Variants in LDB2 observed in about 807,000 individuals in gnomAD.
LDB2 encodes the protein LIM domain binding 2.
Under a neutral mutation model 44.3 loss-of-function variants are expected in LDB2, and 12 were observed. The ratio of observed to expected loss-of-function variants is 0.27; its 90% CI spans 0.17 to 0.44. The LOEUF is 0.44. LDB2 is among the 20% of genes least tolerant of loss of function. LDB2 has a pLI of 1.00. For missense variants in LDB2, 344 were observed against 473.5 expected (o/e 0.73, Z 2.54); for synonymous variants, 164 against 174.8 (o/e 0.94, Z 0.49).
intron 2 of LDB2, among the ~76,000 whole-genome samples, chr4:16,753,725 A>G (rs1338038108): frequency 6.6e-6 from 1 of 152,196 alleles, no homozygotes; most frequent in Non-Finnish European, 1.5e-5. Flanking sequence ...CTCGTTCCAG[A>G]CAGGGTACTA....
At position 16,809,729 on chromosome 4, in the gene LDB2, A is replaced by AAAC. The variant is rs1779440235; in HGVS notation, c.133-50470_133-50469insGTT. On this transcript the variant is annotated intron_variant, in intron 1 of 7. Transcript: ENST00000304523. ...TCTGCTGGCCTGTACAAAACAAAAC[A>AAAC]AAACAAACAAACAAAAAAAAAACGG... Among the ~76,000 whole-genome samples, 6 of 148,370 alleles carry AAAC rather than the reference A, an allele frequency of 4.0e-5. No individual in the cohort carries two copies. In the South Asian group the frequency reaches 1.3e-3, roughly 32 times the overall value.
intron 1 of LDB2, among the ~76,000 whole-genome samples, chr4:16,813,530 C>A (rs1359414262): frequency 6.6e-6 from 1 of 152,190 alleles, no homozygotes; most frequent in African/African-American, 2.4e-5. Flanking sequence ...CTCTCAATTC[C>A]ATTCATCAAA....
chr4:16,836,832 G>A (rs1784958040), intron 1 of LDB2, among the ~76,000 whole-genome samples: 1 of 152,156 alleles, frequency 6.6e-6, no homozygotes, highest in South Asian at 2.1e-4. Flanking sequence ...CACTAAAAGT[G>A]GCATTGCCAG....
chr4:16,569,671 C>T (rs1441405801), intron 5 of LDB2, among the ~76,000 whole-genome samples: 1 of 152,164 alleles, frequency 6.6e-6, no homozygotes, highest in Non-Finnish European at 1.5e-5. Context: ...TCCATCCATC[C>T]ATCCATCCGT....
At chr4:16,586,263 G>A (rs902613265) in intron 4 of LDB2, among the ~76,000 whole-genome samples, 8 of 152,244 alleles carry the variant, frequency 5.3e-5, no homozygotes, top group African/African-American at 1.9e-4. Flanking sequence ...GAGAAATGAT[G>A]TTACTTCCTC....
chr4:16,864,699 T>G (rs952298706), intron 1 of LDB2, among the ~76,000 whole-genome samples: 2 of 151,858 alleles, frequency 1.3e-5, no homozygotes, highest in African/African-American at 4.8e-5. Flanking sequence ...CCGAGGTGGA[T>G]GGATCACCTG....
At chr4:16,754,626 G>A (rs1014526146) in intron 2 of LDB2, among the ~76,000 whole-genome samples, 4 of 151,744 alleles carry the variant, frequency 2.6e-5, no homozygotes, top group Admixed American at 2.6e-4. Context: ...CCGCCTCCTG[G>A]GTTCAAGTAA....
chr4:16,566,888 A>AAGAT (rs1744717107), intron 5 of LDB2, among the ~76,000 whole-genome samples: 1 of 152,200 alleles, frequency 6.6e-6, no homozygotes. Context: ...AGTATATGAG[A>AAGAT]AGATAATAAA....
At chr4:16,855,446 G>T (rs533245186) in intron 1 of LDB2, among the ~76,000 whole-genome samples, 1 of 152,036 alleles carries the variant, frequency 6.6e-6, no homozygotes, top group African/African-American at 2.4e-5. Flanking sequence ...ACCATACTAG[G>T]AAAAACACTT....
At chr4:16,587,340 T>C (rs1717354478) in intron 4 of LDB2, among the ~76,000 whole-genome samples, 2 of 152,178 alleles carry the variant, frequency 1.3e-5, no homozygotes, top group Non-Finnish European at 2.9e-5. Context: ...ACTGTACCCA[T>C]CTTATAGATG....
intron 5 of LDB2, among the ~76,000 whole-genome samples, chr4:16,523,623 A>G (rs1481152072): frequency 1.3e-5 from 2 of 152,124 alleles, no homozygotes; most frequent in African/African-American, 4.8e-5. Context: ...TATCCAGGCT[A>G]CTCAGGGACT....
chr4:16,597,804 G>A (rs564969938), intron 2 of LDB2, among the ~76,000 whole-genome samples: 1 of 152,160 alleles, frequency 6.6e-6, no homozygotes, highest in Non-Finnish European at 1.5e-5. Context: ...TATAAGAAAA[G>A]TTGAATGGGA....
chr4:16,677,618 T>C (rs986932908), intron 2 of LDB2, among the ~76,000 whole-genome samples: 9 of 152,196 alleles, frequency 5.9e-5, no homozygotes, highest in African/African-American at 1.9e-4. Flanking sequence ...TCTGAGATTC[T>C]AGTCAATTCC....
intron 2 of LDB2, chr4:16,751,018 C>T (rs1047048603): frequency 6.6e-6 from 1 of 152,142 alleles, no homozygotes; most frequent in African/African-American, 2.4e-5. Flanking sequence ...AGGCAATATA[C>T]TCCCTAAAAC....
rs563886658 is a variant in LDB2 at position 16,743,810 on chromosome 4, C to G, written c.235+15348G>C. 3.3e-5 allele frequency among the ~76,000 whole-genome samples: 5 copies of G among 152,318 alleles called. No homozygotes were observed. In the South Asian group the frequency reaches 1.0e-3, roughly 32 times the overall value. Reference sequence around the variant, plus strand: ...AGTTTCTGCCTTGTGAGACCCTAGGCAGAGCACCCAGCAACCTAGCCTGGA... The same window carrying G: ...AGTTTCTGCCTTGTGAGACCCTAGGGAGAGCACCCAGCAACCTAGCCTGGA... On this transcript the variant is annotated intron_variant, in intron 2 of 7. Coordinates refer to ENST00000304523, the MANE Select transcript of LDB2 (RefSeq NM_001290.5).
chr4:16,818,498 G>C (rs921852630), intron 1 of LDB2, among the ~76,000 whole-genome samples: 1 of 152,104 alleles, frequency 6.6e-6, no homozygotes, highest in African/African-American at 2.4e-5. Flanking sequence ...ACAATATTTT[G>C]AATTTGTTGA....
intron 1 of LDB2, among the ~76,000 whole-genome samples, chr4:16,836,756 T>C (rs2110082271): frequency 6.6e-6 from 1 of 152,290 alleles, no homozygotes; most frequent in East Asian, 1.9e-4. Flanking sequence ...AATTATTGAA[T>C]CCTTAAAAAA....
chr4:16,586,050 G>T, intron 4 of LDB2, 45 bp from the exon 5 acceptor site: 1 of 1,441,194 alleles, frequency 6.9e-7, no homozygotes, highest in South Asian at 1.2e-5. Flanking sequence ...ACTACAGGAC[G>T]GTCCTGAGAA....
chr4:16,691,392 G>A (rs537451745), intron 2 of LDB2, among the ~76,000 whole-genome samples: 33 of 152,266 alleles, frequency 2.2e-4, no homozygotes, highest in African/African-American at 7.7e-4. Flanking sequence ...TCACTGCAAC[G>A]ATAATATTCT....
Sources: gnomAD v4.1 joint callset for allele counts (sites outside exome capture counted in the v4.1 genomes callset) on GRCh38, gnomAD v4.1.1 for gene constraint, MANE v1.5 for transcripts, NCBI Gene and HGNC (gene_info 2026-07-23, HGNC 2026-07-21) for gene names.